The following GLYATL1 variants were observed in gnomAD, a reference collection of about 807,000 sequenced individuals.
The protein encoded by GLYATL1 is glycine-N-acyltransferase like 1, also known as glycine N-acyltransferase-like protein 1.
Under a neutral mutation model 20.0 loss-of-function variants are expected in GLYATL1, and 15 were observed. The ratio of observed to expected loss-of-function variants is 0.75; its 90% CI spans 0.50 to 1.15. The LOEUF (loss-of-function observed/expected upper bound fraction) is 1.15. Among genes scored for constraint, GLYATL1 ranks in the 50% most tolerant of loss-of-function variants. The pLI, the probability that GLYATL1 is intolerant of heterozygous loss-of-function variation, is 0.00. For synonymous variants in GLYATL1, 151 were observed against 131.5 expected, an observed-to-expected ratio of 1.15 and a Z score of -1.01; for missense variants, 380 against 368.5, an observed-to-expected ratio of 1.03 and a Z score of -0.26.
chr11:58,938,748 G>T (rs965363957), upstream of GLYATL1, among the ~76,000 whole-genome samples: 2 of 152,156 alleles, frequency 1.3e-5, no homozygotes, highest in Non-Finnish European at 2.9e-5. Flanking sequence ...AAGCACAGGG[G>T]TCTAGTTCCA....
intron 1 of GLYATL1, among the ~76,000 whole-genome samples, chr11:58,915,657 C>G (rs1308520620): frequency 6.6e-6 from 1 of 152,140 alleles, no homozygotes; most frequent in African/African-American, 2.4e-5. Flanking sequence ...CAAGAAACCC[C>G]CAGGTGATTC....
At chr11:58,911,059 A>G (rs1316863443), downstream of GLYATL1, among the ~76,000 whole-genome samples, 1 of 152,226 alleles carries the variant, frequency 6.6e-6, no homozygotes, top group African/African-American at 2.4e-5. Context: ...AACATCATGT[A>G]AATGGAACAT....
At chr11:58,910,668 G>A (rs1208413585), downstream of GLYATL1, among the ~76,000 whole-genome samples, 1 of 151,996 alleles carries the variant, frequency 6.6e-6, no homozygotes, top group Non-Finnish European at 1.5e-5. Context: ...AATGATGGAG[G>A]CAACAAAGCA....
chr11:58,923,240 G>T (rs144951339), upstream of GLYATL1, among the ~76,000 whole-genome samples: 1 of 152,202 alleles, frequency 6.6e-6, no homozygotes, highest in East Asian at 1.9e-4. Flanking sequence ...TGAGATGCAC[G>T]TAGAATTGTA....
rs748624591 is a variant in GLYATL1 at position 58,954,762 on chromosome 11, C to A, written c.187-8C>A. On this transcript the variant is annotated splice_region_variant and splice_polypyrimidine_tract_variant and intron_variant, in intron 4 of 6. Transcript: ENST00000532726. ...GGGAATGACCTGATCTTATATCATC[C>A]AATACAGGAGATGACTGATGACATG... 2 of 1,592,662 alleles carry A rather than the reference C, an allele frequency of 1.3e-6. No individual in the cohort carries two copies. The highest frequency in any genetic ancestry group is 1.7e-6 in the Non-Finnish European group (2 of 1,172,058).
exon 2 of GLYATL1, chr11:58,907,311 G>T (rs1018419976): frequency 4.4e-6 from 2 of 456,102 alleles, no homozygotes; most frequent in East Asian, 6.9e-5. Flanking sequence ...CTGAAATCTG[G>T]ACTTCCAATT....
At chr11:58,929,273 A>G (rs1361847536) in intron 1 of GLYATL1, among the ~76,000 whole-genome samples, 1 of 152,322 alleles carries the variant, frequency 6.6e-6, no homozygotes, top group Non-Finnish European at 1.5e-5. Context: ...AGATTTAAGA[A>G]GTTCCCTTTT....
intron 1 of GLYATL1, among the ~76,000 whole-genome samples, chr11:58,931,378 G>C (rs950246515): frequency 2.0e-5 from 3 of 152,136 alleles, no homozygotes; most frequent in Admixed American, 6.5e-5. Context: ...GTCACATTTT[G>C]AGGTACTAGG....
At position 58,943,291 on chromosome 11, in the gene GLYATL1, A is replaced by T. The variant is rs1380046390; in HGVS notation, c.-166-252A>T. The T allele has an allele frequency of 2.6e-6, 4 of 1,549,684 alleles. No individual in the cohort carries two copies. In the South Asian group the frequency reaches 4.8e-5, roughly 19 times the overall value. The stretch of plus-strand genomic sequence containing the variant: ...GCAGCCATACTTCAACTACTCATAG[A>T]CTGCTGAATGTTCAAACTGTGTTCA... On this transcript the variant is annotated intron_variant, in intron 1 of 6. Coordinates refer to ENST00000532726, the MANE Select transcript of GLYATL1 (RefSeq NM_001389712.2).
intron 1 of GLYATL1, among the ~76,000 whole-genome samples, chr11:58,916,826 T>G (rs1370471687): frequency 6.6e-6 from 1 of 152,214 alleles, no homozygotes; most frequent in Admixed American, 6.5e-5. Context: ...TTTATTGATG[T>G]GAAAGTACAC....
intron 1 of GLYATL1, among the ~76,000 whole-genome samples, chr11:58,918,973 T>C (rs2135110046): frequency 6.6e-6 from 1 of 152,316 alleles, no homozygotes; most frequent in East Asian, 1.9e-4. Context: ...CTGTAGTGGA[T>C]CCAAGCACGG....
intron 1 of GLYATL1, among the ~76,000 whole-genome samples, chr11:58,920,035 G>A (rs758756335): frequency 1.4e-4 from 22 of 152,110 alleles, no homozygotes; most frequent in African/African-American, 2.2e-4. Flanking sequence ...TGGGGTCTCC[G>A]GGAGGAGGAT....
chr11:58,929,298 G>C (rs982130342), intron 1 of GLYATL1, among the ~76,000 whole-genome samples: 1 of 152,086 alleles, frequency 6.6e-6, no homozygotes, highest in African/African-American at 2.4e-5. Context: ...CTAGGTTGCT[G>C]ATATTCTTAT....
intron 3 of GLYATL1, 162 bp from the exon 4 acceptor site, chr11:58,947,696 G>C (rs939724034): frequency 3.4e-6 from 2 of 591,204 alleles, no homozygotes; most frequent in Non-Finnish European, 3.0e-6. Flanking sequence ...GTAACTTCAC[G>C]TCCATCAGTA....
chr11:58,911,593 A>G (rs184473316), downstream of GLYATL1, among the ~76,000 whole-genome samples: 16 of 152,280 alleles, frequency 1.1e-4, no homozygotes, highest in East Asian at 1.9e-3. Context: ...TTATGTTCTT[A>G]TATCATCCAC....
At chr11:58,951,092 T>G (rs1856958625) in intron 4 of GLYATL1, among the ~76,000 whole-genome samples, 2 of 152,162 alleles carry the variant, frequency 1.3e-5, no homozygotes, top group African/African-American at 4.8e-5. Flanking sequence ...TCTGAGGTTT[T>G]GGGTTTTTTT....
At chr11:58,918,424 G>C (rs1055585188) in intron 1 of GLYATL1, among the ~76,000 whole-genome samples, 1 of 152,184 alleles carries the variant, frequency 6.6e-6, no homozygotes, top group African/African-American at 2.4e-5. Flanking sequence ...TGTGCATGCA[G>C]GTTCCTAGGT....
chr11:58,943,191 T>A (rs1856293802), intron 1 of GLYATL1: 4 of 1,337,010 alleles, frequency 3.0e-6, no homozygotes, highest in Non-Finnish European at 3.9e-6. Flanking sequence ...TAACGTAGCT[T>A]AATCATCAGA....
intron 2 of GLYATL1, 133 bp downstream of exon 2, chr11:58,943,799 G>C (rs1032359952): frequency 2.6e-4 from 348 of 1,343,480 alleles, no homozygotes; most frequent in Non-Finnish European, 5.2e-5. Flanking sequence ...GAACAGATTT[G>C]ATCTTGGAAT....
Sources: allele counts gnomAD v4.1 joint callset (sites outside exome capture counted in the v4.1 genomes callset), GRCh38; gene constraint gnomAD v4.1.1; transcripts MANE v1.5; gene names NCBI Gene and HGNC (gene_info 2026-07-23, HGNC 2026-07-21).